PAM: variants seen among roughly 807,000 people sequenced by gnomAD.
PAM encodes peptidylglycine alpha-amidating monooxygenase.
A neutral mutation model predicts 122.1 loss-of-function variants in PAM; 72 were observed. The observed-to-expected ratio is 0.59, with a 90% confidence interval of 0.49 to 0.72. The LOEUF is 0.72. PAM is among the 30% of genes least tolerant of loss of function. The probability of loss-of-function intolerance (pLI) is 0.00; values close to 1 mark genes in which losing one functional copy is unlikely to be tolerated. For synonymous variants in PAM, 389 were observed against 404.4 expected, an observed-to-expected ratio of 0.96 and a Z score of 0.46; for missense variants, 1,106 against 1,183.7, an observed-to-expected ratio of 0.93 and a Z score of 0.96.
intron 1 of PAM, among the ~76,000 whole-genome samples, chr5:102,794,665 A>T (rs1762905878): frequency 6.6e-6 from 1 of 152,220 alleles, no homozygotes; most frequent in Admixed American, 6.5e-5. Flanking sequence ...TTACATGTAC[A>T]AATTAAATAG....
chr5:102,874,921 C>A (rs115183554), intron 3 of PAM, among the ~76,000 whole-genome samples: 1 of 151,964 alleles, frequency 6.6e-6, no homozygotes, highest in Non-Finnish European at 1.5e-5. Flanking sequence ...AGATTAATAA[C>A]GTGTTCATAG....
chr5:102,801,528 C>A (rs1231386440), intron 1 of PAM, among the ~76,000 whole-genome samples: 1 of 152,148 alleles, frequency 6.6e-6, no homozygotes, highest in African/African-American at 2.4e-5. Context: ...AATCCAAACA[C>A]AGTCCTGCCT....
intron 15 of PAM, chr5:102,974,728 G>A (rs1767039699): frequency 4.1e-6 from 1 of 245,860 alleles, no homozygotes; most frequent in Non-Finnish European, 7.7e-6. Flanking sequence ...ATGAAATTCA[G>A]GATAAAAATT....
chr5:102,979,666 G>T (rs113016373), intron 15 of PAM, among the ~76,000 whole-genome samples: 9 of 152,076 alleles, frequency 5.9e-5, no homozygotes, highest in African/African-American at 1.9e-4. Flanking sequence ...ATAAATGAAT[G>T]CCCTTTCAAA....
chr5:102,882,110 T>TATATATATATATATACACAC (rs1561748160), intron 3 of PAM, among the ~76,000 whole-genome samples: 3 of 103,792 alleles, frequency 2.9e-5, no homozygotes, highest in African/African-American at 1.2e-4. Flanking sequence ...TATATATATA[T>TATATATATATATATACACAC]ACACCACATT....
At position 103,029,034 on chromosome 5, in the gene PAM, C is replaced by G; in HGVS notation, c.2891C>G (p.Pro964Arg). ...GAATCAGAAGAGGAGTATTCAGCAC[C>G]TCTGCCTGCGCTCGCACCTTCCTCC... Reference protein sequence around the residue: ...GSESEEEYSAPLPALAPSSS With the variant: ...GSESEEEYSARLPALAPSSS Residue 964 changes from proline to arginine, a missense_variant, in exon 26 of 26, where the codon CCT becomes CGT. Physicochemically the swap from Pro to Arg is moderately radical, Grantham distance 103 (BLOSUM62 -2). This residue lies in a region of PAM where 333 missense variants were observed against 335.6 expected (regional missense o/e 0.99). Transcript: ENST00000438793. 6.2e-7 allele frequency: 1 copy of G among 1,612,206 alleles called. No homozygotes were observed. Among genetic ancestry groups the G allele is most frequent in the Admixed American group, 1.7e-5 (1 of 59,514 alleles).
intron 1 of PAM, among the ~76,000 whole-genome samples, chr5:102,804,049 G>A (rs1027458742): frequency 1.3e-5 from 2 of 152,152 alleles, no homozygotes; most frequent in African/African-American, 4.8e-5. Flanking sequence ...GGGGGATGGG[G>A]AGATAGATGT....
At position 102,916,879 on chromosome 5, in the gene PAM, C is replaced by T. The variant is rs549456755; in HGVS notation, c.356+2858C>T. Among the ~76,000 whole-genome samples, 856 of 151,468 alleles carry T rather than the reference C, an allele frequency of 5.7e-3. 10 individuals carry two copies. Among genetic ancestry groups the T allele is most frequent in the African/African-American group, 0.019 (779 of 41,356 alleles). ...TCCTCAGTAGTTGGGACTACAGGCG[C>T]GTGCCACCATGCCCAACTAATTTTT... On this transcript the variant is annotated intron_variant, in intron 5 of 25. Transcript: ENST00000438793.
In PAM at chr5:102,936,294, A is replaced by G. The variant is rs145988006; in HGVS notation, c.526+9626A>G. On this transcript the variant is annotated intron_variant, in intron 7 of 25. Transcript: ENST00000438793. ...AATAGTGCAAGTCAAAGTTCTGTCT[A>G]TTATTTTGCTGGTTGTCTAGACCTG... Among the ~76,000 whole-genome samples the G allele has an allele frequency of 2.8e-3, 428 of 152,216 alleles. 2 individuals carry two copies. Among genetic ancestry groups the G allele is most frequent in the African/African-American group, 9.2e-3 (384 of 41,562 alleles).
chr5:102,922,133 G>C (rs114240208), intron 5 of PAM, among the ~76,000 whole-genome samples: 276 of 151,984 alleles, frequency 1.8e-3, no homozygotes, highest in African/African-American at 6.3e-3. Context: ...AAAACTCACC[G>C]AGAGGTAAGT....
At chr5:102,987,507 T>C (rs974943190) in intron 15 of PAM, 2 of 454,478 alleles carry the variant, frequency 4.4e-6, no homozygotes, top group Admixed American at 4.7e-5. Flanking sequence ...ATATTGTCTA[T>C]TTCCAAATAG....
chr5:102,969,285 A>AG (rs1765095874), intron 14 of PAM, among the ~76,000 whole-genome samples: 1 of 152,152 alleles, frequency 6.6e-6, no homozygotes. Context: ...GGAAAAAAAA[A>AG]AAAAGAAAAG....
At chr5:103,021,335 T>C (rs912564597) in intron 23 of PAM, among the ~76,000 whole-genome samples, 2 of 152,228 alleles carry the variant, frequency 1.3e-5, no homozygotes. Context: ...GGAATGGTTA[T>C]AGTTTACTCT....
At chr5:102,992,828 T>C (rs1774533918) in intron 16 of PAM, among the ~76,000 whole-genome samples, 1 of 152,098 alleles carries the variant, frequency 6.6e-6, no homozygotes, top group Admixed American at 6.6e-5. Context: ...AATTGTAGGT[T>C]CTATAAGACC....
At chr5:102,960,141 A>C in intron 13 of PAM, 82 bp downstream of exon 13, 1 of 756,562 alleles carries the variant, frequency 1.3e-6, no homozygotes, top group Non-Finnish European at 2.1e-6. Context: ...TGATATTTAA[A>C]ATCATCTTTA....
At chr5:102,786,858 T>C (rs1760684999) in intron 1 of PAM, among the ~76,000 whole-genome samples, 1 of 152,082 alleles carries the variant, frequency 6.6e-6, no homozygotes, top group African/African-American at 2.4e-5. Context: ...GAATATATCT[T>C]AAAAACTCTA....
At chr5:102,889,939 C>A (rs1377518240) in intron 3 of PAM, among the ~76,000 whole-genome samples, 3 of 151,942 alleles carry the variant, frequency 2.0e-5, no homozygotes, top group African/African-American at 7.2e-5. Context: ...CCATTAGATT[C>A]TAAAGTTTCT....
intron 2 of PAM, among the ~76,000 whole-genome samples, chr5:102,867,069 A>G (rs1024993114): frequency 3.3e-5 from 5 of 152,178 alleles, no homozygotes; most frequent in African/African-American, 4.8e-5. Flanking sequence ...TATTTTATTT[A>G]CAAATTAGGT....
chr5:102,877,056 C>A (rs954078529), intron 3 of PAM, among the ~76,000 whole-genome samples: 1 of 152,188 alleles, frequency 6.6e-6, no homozygotes, highest in Non-Finnish European at 1.5e-5. Flanking sequence ...ATTATAGATA[C>A]AAAACAAATC....
Sources: gnomAD v4.1 joint callset for allele counts (sites outside exome capture counted in the v4.1 genomes callset) on GRCh38, gnomAD v4.1.1 for gene constraint, gnomAD v4.1.1 regional missense constraint, MANE v1.5 for transcripts, NCBI Gene and HGNC (gene_info 2026-07-23, HGNC 2026-07-21) for gene names.